The following KIF9 variants were observed in gnomAD, a reference collection of about 807,000 sequenced individuals.
The protein encoded by KIF9 is kinesin family member 9, also known as kinesin-like protein KIF9.
In KIF9, 68 loss-of-function variants were observed where a neutral mutation model predicts 94.8. The ratio of observed to expected loss-of-function variants is 0.72; its 90% CI spans 0.59 to 0.88. KIF9 has a LOEUF of 0.88. Among genes scored for constraint, KIF9 ranks in the 40% least tolerant of loss-of-function variants. The pLI, the probability that KIF9 is intolerant of heterozygous loss-of-function variation, is 0.00. For missense variants in KIF9, 882 were observed against 982.5 expected, an observed-to-expected ratio of 0.90 and a Z score of 1.37; for synonymous variants, 343 against 362.1, an observed-to-expected ratio of 0.95 and a Z score of 0.60.
At chr3:47,268,073 T>C (rs935927081) in intron 5 of KIF9, among the ~76,000 whole-genome samples, 5 of 152,100 alleles carry the variant, frequency 3.3e-5, no homozygotes, top group African/African-American at 9.7e-5. Context: ...GGTTTCACCA[T>C]GTGCCCAGGC....
At chr3:47,247,875 C>A in intron 11 of KIF9, 143 bp downstream of exon 11, 1 of 717,214 alleles carries the variant, frequency 1.4e-6, no homozygotes, top group Non-Finnish European at 2.5e-6. Flanking sequence ...CTTGCTGCTG[C>A]CCCTTTCCTG....
At chr3:47,233,571 C>T (rs921834481) in intron 20 of KIF9, among the ~76,000 whole-genome samples, 1 of 151,194 alleles carries the variant, frequency 6.6e-6, no homozygotes, top group Non-Finnish European at 1.5e-5. Context: ...TGGTGTATGC[C>T]TATAGTCCCA....
intron 10 of KIF9, among the ~76,000 whole-genome samples, chr3:47,249,859 A>C (rs999545631): frequency 2.0e-5 from 3 of 152,148 alleles, no homozygotes; most frequent in Non-Finnish European, 4.4e-5. Context: ...GGAGTTCGAG[A>C]CCACCCTTGT....
At chr3:47,245,623 G>A in intron 13 of KIF9, 112 bp from the exon 14 acceptor site, 1 of 771,904 alleles carries the variant, frequency 1.3e-6, no homozygotes, top group Non-Finnish European at 2.3e-6. Flanking sequence ...CTTGTGTGGG[G>A]CCACACCTTC....
chr3:47,259,176 T>C (rs1700806166), intron 9 of KIF9, among the ~76,000 whole-genome samples: 1 of 152,180 alleles, frequency 6.6e-6, no homozygotes, highest in Non-Finnish European at 1.5e-5. Context: ...CTCTGGGGCG[T>C]GACCGATCTG....
In KIF9 at chr3:47,239,464, C is replaced by G. The variant is rs1320594470; in HGVS notation, c.1924+1337G>C. ...AGCCACCATCACTGGCCTTCTCCAG[C>G]TTCCCAGACCCGTGGAGGGCTTTGC... On this transcript the variant is annotated intron_variant, in intron 17 of 20. Transcript: ENST00000684063. The G allele has an allele frequency of 4.0e-6, 3 of 753,972 alleles. No homozygotes were observed. The East Asian group carries it at 3.0e-4, about 76-fold the overall frequency. The allele number at this position is 753,972 out of a possible 1,614,324, so 46.7% of individuals were successfully genotyped here. A position where few individuals can be genotyped will look rare whatever the true frequency, so the allele number is the denominator to read the frequency against.
At chr3:47,228,760 A>G (rs1698336441) in intron 20 of KIF9, 58 bp from the exon 21 acceptor site, 3 of 1,407,150 alleles carry the variant, frequency 2.1e-6, no homozygotes, top group South Asian at 1.1e-5. Flanking sequence ...CATAGCAGGG[A>G]CTCAGACCAG....
Position 47,245,388 on chromosome 3 carries a change from T to C in KIF9, c.1380+33A>G, listed in dbSNP as rs988345539. The C allele has an allele frequency of 2.6e-6, 4 of 1,515,336 alleles. No homozygotes were observed. The African/African-American group carries it at 4.1e-5, about 16-fold the overall frequency. 93.9% of individuals were successfully genotyped at this position (1,515,336 alleles called of 1,614,324 possible). On this transcript the variant is annotated intron_variant, in intron 14 of 20. Coordinates refer to ENST00000684063, the MANE Select transcript of KIF9 (RefSeq NM_182902.4). ...AGGTCTGAGGATGGGAAATCTGAGGTGAGTGCTGTCGGCAAGTAGCAACTA... is the reference window on the plus strand; with the variant it reads ...AGGTCTGAGGATGGGAAATCTGAGGCGAGTGCTGTCGGCAAGTAGCAACTA...
chr3:47,232,859 G>A (rs1160876781), intron 20 of KIF9, among the ~76,000 whole-genome samples: 2 of 151,232 alleles, frequency 1.3e-5, no homozygotes, highest in Non-Finnish European at 2.9e-5. Context: ...GCGGGCACCT[G>A]TAGTCCCAGC....
At chr3:47,241,508 G>C (rs1699483914) in intron 16 of KIF9, among the ~76,000 whole-genome samples, 1 of 151,204 alleles carries the variant, frequency 6.6e-6, no homozygotes, top group South Asian at 2.1e-4. Context: ...TTTTAGTAGA[G>C]ACCAGGTTTC....
intron 5 of KIF9, 93 bp from the exon 6 acceptor site, chr3:47,267,356 T>C: frequency 2.3e-6 from 2 of 887,384 alleles, no homozygotes; most frequent in Non-Finnish European, 3.8e-6. Context: ...GCTACACAAG[T>C]GGTCTCATAT....
At chr3:47,277,209 G>T in intron 2 of KIF9, 73 bp downstream of exon 2, 2 of 1,135,434 alleles carry the variant, frequency 1.8e-6, no homozygotes, top group Non-Finnish European at 2.6e-6. Flanking sequence ...AAGGTTGCTT[G>T]GAAATACGGT....
At chr3:47,239,914 G>A in intron 17 of KIF9, 2 of 1,367,920 alleles carry the variant, frequency 1.5e-6, no homozygotes, top group Non-Finnish European at 2.0e-6. Flanking sequence ...GGTGTTTCCT[G>A]TCTGGAAGAA....
chr3:47,236,267 T>A, intron 18 of KIF9, 118 bp from the exon 19 acceptor site: 1 of 991,426 alleles, frequency 1.0e-6, no homozygotes, highest in South Asian at 1.5e-5. Context: ...GGTCTTACCC[T>A]GTCCCCATCT....
intron 10 of KIF9, among the ~76,000 whole-genome samples, chr3:47,249,208 C>T (rs113354108): frequency 0.068 from 10,283 of 150,416 alleles, 1,196 homozygotes; most frequent in African/African-American, 0.24. Context: ...TACAGTGGCG[C>T]AATCTTGGCT....
chr3:47,238,144 C>G (rs1408454839), intron 17 of KIF9, among the ~76,000 whole-genome samples: 1 of 151,996 alleles, frequency 6.6e-6, no homozygotes, highest in Admixed American at 6.6e-5. Context: ...AGTTCTTTTA[C>G]AAGAGACTAA....
At chr3:47,276,486 G>A (rs1701975542) in intron 2 of KIF9, among the ~76,000 whole-genome samples, 1 of 151,568 alleles carries the variant, frequency 6.6e-6, no homozygotes. Flanking sequence ...AACCTGGGAG[G>A]CGGAGGTTGC....
chr3:47,280,073 C>G (rs1201006957), intron 1 of KIF9, among the ~76,000 whole-genome samples: 1 of 152,150 alleles, frequency 6.6e-6, no homozygotes, highest in Admixed American at 6.6e-5. Flanking sequence ...CCACCTCAAC[C>G]TCAACCTCCA....
Position 47,266,964 on chromosome 3 carries a change from C to T in KIF9, c.768+12G>A. ...GTTTATTGAGTAGCAACCTCCAGCC[C>T]CCATCACTTACCCCAGACTTCCCCA... On this transcript the variant is annotated intron_variant, in intron 7 of 20. Coordinates refer to ENST00000684063, the MANE Select transcript of KIF9 (RefSeq NM_182902.4). 6.2e-7 allele frequency: 1 copy of T among 1,602,060 alleles called. No homozygotes were observed. The highest frequency in any genetic ancestry group is 8.5e-7 in the Non-Finnish European group (1 of 1,169,590).
Sources: allele counts gnomAD v4.1 joint callset (sites outside exome capture counted in the v4.1 genomes callset), GRCh38; gene constraint gnomAD v4.1.1; transcripts MANE v1.5; gene names NCBI Gene and HGNC (gene_info 2026-07-23, HGNC 2026-07-21).